CRACD: variants seen among roughly 807,000 people sequenced by gnomAD.
CRACD encodes the protein capping protein inhibiting regulator of actin dynamics.
In CRACD, 56 loss-of-function variants were observed where a neutral mutation model predicts 106.8. The ratio of observed to expected loss-of-function variants is 0.52; its 90% CI spans 0.42 to 0.66. The LOEUF is 0.66. Among genes scored for constraint, CRACD ranks in the 30% least tolerant of loss-of-function variants. The pLI is 0.00. For missense variants in CRACD, 1,730 were observed against 1,623.2 expected, an observed-to-expected ratio of 1.07 and a Z score of -1.13; for synonymous variants, 754 against 670.8, an observed-to-expected ratio of 1.12 and a Z score of -1.92.
intron 1 of CRACD, among the ~76,000 whole-genome samples, chr4:56,056,377 T>C (rs959833936): frequency 1.3e-5 from 2 of 152,152 alleles, no homozygotes; most frequent in Non-Finnish European, 2.9e-5. Flanking sequence ...TAACTTCTAG[T>C]GTTAAGAGAA....
intron 1 of CRACD, among the ~76,000 whole-genome samples, chr4:56,086,404 A>G (rs1733221277): frequency 6.6e-6 from 1 of 152,068 alleles, no homozygotes; most frequent in East Asian, 1.9e-4. Context: ...CAGGCTCCTA[A>G]AAGTGTTGGG....
chr4:56,198,749 A>G (rs1321828137), intron 2 of CRACD, among the ~76,000 whole-genome samples: 1 of 152,204 alleles, frequency 6.6e-6, no homozygotes. Context: ...CAAAAAAAAG[A>G]CAATATAAAT....
chr4:56,136,603 AT>A lies in CRACD; in HGVS notation c.-335-42675del, dbSNP rs370530882. 3.7e-3 allele frequency among the ~76,000 whole-genome samples: 565 copies of A among 152,196 alleles called. 7 individuals carry two copies. The highest frequency in any genetic ancestry group is 0.013 in the African/African-American group (524 of 41,546). On this transcript the variant is annotated intron_variant, in intron 1 of 10. Transcript: ENST00000682029. The stretch of plus-strand genomic sequence containing the variant: ...GCCCATTTTCTTACTGGGTGCTTTG[AT>A]TTTTTATTATTGAATTTTAAGAGTT...
intron 1 of CRACD, among the ~76,000 whole-genome samples, chr4:56,100,638 A>G (rs1159373602): frequency 6.6e-6 from 1 of 152,210 alleles, no homozygotes; most frequent in East Asian, 1.9e-4. Context: ...GTGGGATTAT[A>G]AGAGTAGGCA....
chr4:56,307,768 C>T, intron 5 of CRACD, 69 bp downstream of exon 5: 1 of 1,510,850 alleles, frequency 6.6e-7, no homozygotes, highest in Non-Finnish European at 9.1e-7. Context: ...TCCAGTAACC[C>T]TGGGGTCTGC....
At chr4:56,176,757 A>G (rs1023097244) in intron 1 of CRACD, among the ~76,000 whole-genome samples, 1 of 152,038 alleles carries the variant, frequency 6.6e-6, no homozygotes, top group African/African-American at 2.4e-5. Flanking sequence ...TTGGTGTTTT[A>G]TAGTTTTCAT....
chr4:56,262,945 T>G (rs926711540), intron 2 of CRACD, among the ~76,000 whole-genome samples: 1 of 152,108 alleles, frequency 6.6e-6, no homozygotes, highest in African/African-American at 2.4e-5. Flanking sequence ...CAGCTGGCCC[T>G]AAGGGAAGAG....
chr4:56,291,612 A>G (rs1743709304), intron 3 of CRACD, among the ~76,000 whole-genome samples: 1 of 152,194 alleles, frequency 6.6e-6, no homozygotes, highest in Admixed American at 6.5e-5. Context: ...TGCTCACCAA[A>G]GATTTAATAT....
chr4:56,153,588 A>C (rs1253014509), intron 1 of CRACD, among the ~76,000 whole-genome samples: 1 of 122,518 alleles, frequency 8.2e-6, no homozygotes, highest in Non-Finnish European at 1.8e-5. Flanking sequence ...GTCCGTGTCC[A>C]TGCACTTTTA....
chr4:56,323,544 G>A lies in CRACD; in HGVS notation c.3355G>A (p.Ala1119Thr). The A allele has an allele frequency of 6.3e-7, 1 of 1,583,252 alleles. No individual in the cohort carries two copies. Among genetic ancestry groups the A allele is most frequent in the Non-Finnish European group, 8.5e-7 (1 of 1,171,656 alleles). Reference sequence around the variant, plus strand: ...AAAGCAAGCCAGAGAGGCCAAACAGGCAGAAAAGCTCTCCAAAGAAAATGT... The same window carrying A: ...AAAGCAAGCCAGAGAGGCCAAACAGACAGAAAAGCTCTCCAAAGAAAATGT... ...ERKQAREAKQ[A>T]EKLSKENVSV... is the part of the protein sequence containing the mutation. The change falls in exon 9 of 11, where the codon GCA becomes ACA. Residue 1119 changes from alanine (A) to threonine (T), a missense_variant. Around this residue, in one of 5 missense-constraint regions of CRACD, gnomAD observed 1,620 missense variants for 1,481.6 expected, o/e 1.09. Transcript: ENST00000682029.
chr4:56,132,549 G>A (rs1175320593), intron 1 of CRACD, among the ~76,000 whole-genome samples: 4 of 151,994 alleles, frequency 2.6e-5, no homozygotes, highest in African/African-American at 9.7e-5. Context: ...ATATTGCCCA[G>A]GCTGGTCTCA....
intron 1 of CRACD, among the ~76,000 whole-genome samples, chr4:56,131,563 C>A (rs1465673078): frequency 6.6e-6 from 1 of 152,150 alleles, no homozygotes; most frequent in African/African-American, 2.4e-5. Context: ...TCTATAGGGC[C>A]TGCTCTTGTG....
chr4:56,236,737 CT>C (rs1248457375), intron 2 of CRACD, among the ~76,000 whole-genome samples: 8 of 145,908 alleles, frequency 5.5e-5, no homozygotes, highest in African/African-American at 1.8e-4. Context: ...TTTTCAAAGA[CT>C]AAAAAAAAAA....
At chr4:56,227,317 G>T (rs1739355449) in intron 2 of CRACD, among the ~76,000 whole-genome samples, 1 of 152,042 alleles carries the variant, frequency 6.6e-6, no homozygotes, top group Non-Finnish European at 1.5e-5. Flanking sequence ...ATCATAGCCA[G>T]ACACAGTACA....
At chr4:56,324,996 C>T (rs1746336226) in intron 10 of CRACD, among the ~76,000 whole-genome samples, 1 of 151,966 alleles carries the variant, frequency 6.6e-6, no homozygotes, top group Non-Finnish European at 1.5e-5. Flanking sequence ...AAAATATATA[C>T]AAGTATGGTG....
At chr4:56,090,585 A>G (rs868215881) in intron 1 of CRACD, among the ~76,000 whole-genome samples, 15 of 152,078 alleles carry the variant, frequency 9.9e-5, no homozygotes, top group African/African-American at 3.1e-4. Context: ...TGTAGAGACA[A>G]GGTTTTGCCA....
intron 1 of CRACD, among the ~76,000 whole-genome samples, chr4:56,095,462 C>T (rs995949964): frequency 1.3e-5 from 2 of 152,078 alleles, no homozygotes; most frequent in Non-Finnish European, 2.9e-5. Flanking sequence ...GCTAGGGAGG[C>T]CTCATTCAGA....
At chr4:56,301,341 C>A in intron 4 of CRACD, 1 of 830,518 alleles carries the variant, frequency 1.2e-6, no homozygotes, top group Non-Finnish European at 1.7e-6. Flanking sequence ...GCTTAGTAAG[C>A]AGCCTAAGAG....
intron 2 of CRACD, among the ~76,000 whole-genome samples, chr4:56,228,911 T>C (rs1739461100): frequency 6.6e-6 from 1 of 152,078 alleles, no homozygotes; most frequent in Non-Finnish European, 1.5e-5. Flanking sequence ...GACCTTGGAG[T>C]CATCATATAA....
Sources: allele counts gnomAD v4.1 joint callset (sites outside exome capture counted in the v4.1 genomes callset), GRCh38; gene constraint gnomAD v4.1.1; regional missense constraint gnomAD v4.1.1; transcripts MANE v1.5; gene names NCBI Gene and HGNC (gene_info 2026-07-23, HGNC 2026-07-21).